MCPH1: variants seen among roughly 807,000 people sequenced by gnomAD.
MCPH1 encodes microcephalin 1.
In MCPH1, 104 loss-of-function variants were observed where a neutral mutation model predicts 84.5. The ratio of observed to expected loss-of-function variants is 1.23; its 90% CI spans 1.05 to 1.45. The LOEUF is 1.45. MCPH1 is among the 40% of genes most tolerant of loss of function. MCPH1 has a pLI of 0.00. For missense variants in MCPH1, 1,498 were observed against 1,005.7 expected (o/e 1.49, Z -6.62); for synonymous variants, 514 against 366.8 (o/e 1.40, Z -4.58).
In MCPH1 at chr8:6,621,205, C is replaced by A. The variant is rs71525742; in HGVS notation, c.2215-249C>A. 0.058 allele frequency: 31,826 copies of A among 551,802 alleles called. 1,622 individuals are homozygous for A. Among genetic ancestry groups the A allele is most frequent in the East Asian group, 0.22 (6,732 of 30,356 alleles). 34.2% of individuals were successfully genotyped at this position (551,802 alleles called of 1,614,324 possible). A position where few individuals can be genotyped will look rare whatever the true frequency, so the allele number is the denominator to read the frequency against. On this transcript the variant is annotated intron_variant, in intron 12 of 13. Coordinates refer to ENST00000344683, the MANE Select transcript of MCPH1 (RefSeq NM_024596.5). ...TTGAGGCTTTGGAATAATTCAAAGG[C>A]CTACACTTTTTTTTTTCTAATTTGT...
chr8:6,470,432 C>A (rs1346777261), intron 9 of MCPH1, among the ~76,000 whole-genome samples: 1 of 152,070 alleles, frequency 6.6e-6, no homozygotes, highest in Non-Finnish European at 1.5e-5. Context: ...TACAGGTTTC[C>A]TGCCACCACA....
intron 12 of MCPH1, chr8:6,527,631 A>T: frequency 6.2e-7 from 1 of 1,613,908 alleles, no homozygotes; most frequent in Non-Finnish European, 8.5e-7. Context: ...GTCGAGAGGG[A>T]GTGTTCCAAG....
intron 9 of MCPH1, among the ~76,000 whole-genome samples, chr8:6,469,089 A>T (rs1487534016): frequency 6.6e-6 from 1 of 152,054 alleles, no homozygotes; most frequent in East Asian, 1.9e-4. Flanking sequence ...CCAAGCTACT[A>T]GGGAGGCTTG....
In MCPH1 at chr8:6,485,141, A is replaced by G. The variant is rs550105754; in HGVS notation, c.2136+4265A>G. Among the ~76,000 whole-genome samples, 3 of 152,236 alleles carry G rather than the reference A, an allele frequency of 2.0e-5. 1 individual carries two copies. The highest frequency in any genetic ancestry group is 2.1e-4 in the South Asian group (1 of 4,824). ...GCAGTTCAAGACCAGCCTGGCCAAGATGGTGAAACTCCGTCTCTACTAAAA... is the reference window on the plus strand; with the variant it reads ...GCAGTTCAAGACCAGCCTGGCCAAGGTGGTGAAACTCCGTCTCTACTAAAA... On this transcript the variant is annotated intron_variant, in intron 11 of 13. Coordinates refer to ENST00000344683, the MANE Select transcript of MCPH1 (RefSeq NM_024596.5).
At chr8:6,476,037 T>C (rs369531385) in intron 9 of MCPH1, among the ~76,000 whole-genome samples, 2 of 152,308 alleles carry the variant, frequency 1.3e-5, no homozygotes, top group African/African-American at 4.8e-5. Flanking sequence ...TCAAAATAGA[T>C]GCCAAGGCTA....
intron 12 of MCPH1, among the ~76,000 whole-genome samples, chr8:6,598,955 G>A (rs933372036): frequency 6.6e-6 from 1 of 152,258 alleles, no homozygotes; most frequent in East Asian, 1.9e-4. Context: ...GCTGAGCTGG[G>A]TGGTGAAAAG....
intron 12 of MCPH1, among the ~76,000 whole-genome samples, chr8:6,569,386 A>G (rs1255445288): frequency 2.6e-5 from 4 of 152,152 alleles, no homozygotes; most frequent in African/African-American, 7.2e-5. Flanking sequence ...CATTTTGCAA[A>G]AGTGTTGCTG....
chr8:6,465,320 C>T (rs543805457), intron 9 of MCPH1, among the ~76,000 whole-genome samples: 23 of 152,318 alleles, frequency 1.5e-4, no homozygotes, highest in Non-Finnish European at 2.8e-4. Context: ...TGGTACCAGT[C>T]CCTCTCGTTT....
At chr8:6,426,411 C>A (rs898257443) in intron 3 of MCPH1, among the ~76,000 whole-genome samples, 5 of 152,292 alleles carry the variant, frequency 3.3e-5, no homozygotes, top group Admixed American at 2.0e-4. Flanking sequence ...TTAGTGTCAC[C>A]AATTCTGGGG....
chr8:6,508,785 C>G, intron 12 of MCPH1: 1 of 1,170,370 alleles, frequency 8.5e-7, no homozygotes, highest in Non-Finnish European at 1.2e-6. Context: ...AAGTGAAAAA[C>G]ACATTTACCT....
chr8:6,602,781 C>G (rs1400387598), intron 12 of MCPH1, among the ~76,000 whole-genome samples: 2 of 152,008 alleles, frequency 1.3e-5, no homozygotes, highest in African/African-American at 4.8e-5. Flanking sequence ...AACTCTGCTC[C>G]TGTTCTGACC....
chr8:6,613,093 C>G (rs1830432254), intron 12 of MCPH1, among the ~76,000 whole-genome samples: 1 of 152,174 alleles, frequency 6.6e-6, no homozygotes, highest in Admixed American at 6.5e-5. Flanking sequence ...GGGGGTTCCT[C>G]TCCAGCAGCC....
intron 13 of MCPH1, among the ~76,000 whole-genome samples, chr8:6,632,784 A>G (rs186146892): frequency 6.1e-4 from 93 of 152,132 alleles, no homozygotes; most frequent in African/African-American, 2.1e-3. Context: ...ACTCCAGCCT[A>G]GGCAACAGAG....
chr8:6,639,971 T>G (rs1318961105), intron 13 of MCPH1, among the ~76,000 whole-genome samples: 2 of 152,012 alleles, frequency 1.3e-5, no homozygotes, highest in African/African-American at 4.8e-5. Flanking sequence ...ACTCTTGGGC[T>G]CAAGCAGTCC....
chr8:6,454,895 C>T (rs373280021), intron 8 of MCPH1, among the ~76,000 whole-genome samples: 1 of 152,130 alleles, frequency 6.6e-6, no homozygotes, highest in Admixed American at 6.6e-5. Context: ...ATCAAATGGA[C>T]GGAGTTGATG....
chr8:6,440,201 A>G (rs1803299576), intron 6 of MCPH1, among the ~76,000 whole-genome samples: 1 of 151,964 alleles, frequency 6.6e-6, no homozygotes, highest in African/African-American at 2.4e-5. Flanking sequence ...ATTGTGTTGC[A>G]GTTTTTATTC....
rs368033201 is a variant in MCPH1 at position 6,406,647 on chromosome 8, G to T, written c.-21G>T. ...CTCGCAAGCACCGCGTAGGCCAGCT[G>T]GCCGGATCCCGCCGTCTGTCATGGC... On this transcript the variant is annotated 5_prime_UTR_variant, in exon 1 of 14. Transcript: ENST00000344683. 1 of 1,611,470 alleles carries T rather than the reference G, an allele frequency of 6.2e-7. No individual in the cohort carries two copies. Among genetic ancestry groups the T allele is most frequent in the South Asian group, 1.1e-5 (1 of 90,770 alleles).
chr8:6,423,979 C>T (rs1481682195), intron 3 of MCPH1, among the ~76,000 whole-genome samples: 1 of 152,168 alleles, frequency 6.6e-6, no homozygotes, highest in African/African-American at 2.4e-5. Context: ...AACTGACCTG[C>T]ATTTTTTATG....
chr8:6,609,819 G>GCCCCCCCCCCCCCCCCCCC (rs11280683), intron 12 of MCPH1, among the ~76,000 whole-genome samples: 1 of 104,022 alleles, frequency 9.6e-6, no homozygotes, highest in Non-Finnish European at 2.3e-5. Context: ...AATGCCCCCC[G>GCCCCCCCCCCCCCCCCCCC]CCCCCCCCCC....
Sources: allele counts gnomAD v4.1 joint callset (sites outside exome capture counted in the v4.1 genomes callset), GRCh38; gene constraint gnomAD v4.1.1; transcripts MANE v1.5; gene names NCBI Gene and HGNC (gene_info 2026-07-23, HGNC 2026-07-21).